The following ALPK1 variants were observed in gnomAD, a reference collection of about 807,000 sequenced individuals.
ALPK1 encodes alpha-protein kinase 1.
A neutral mutation model predicts 120.6 loss-of-function variants in ALPK1; 110 were observed. The ratio of observed to expected loss-of-function variants is 0.91; its 90% CI spans 0.78 to 1.07. ALPK1 has a LOEUF of 1.07. ALPK1 is among the 50% of genes least tolerant of loss of function. ALPK1 has a pLI of 0.00. For synonymous variants in ALPK1, 582 were observed against 560.3 expected, an observed-to-expected ratio of 1.04 and a Z score of -0.55; for missense variants, 1,498 against 1,483.9, an observed-to-expected ratio of 1.01 and a Z score of -0.16.
chr4:112,377,978 C>T, intron 3 of ALPK1, 80 bp downstream of exon 3: 1 of 1,426,960 alleles, frequency 7.0e-7, no homozygotes, highest in Non-Finnish European at 9.3e-7. Flanking sequence ...ACGTTCTTAT[C>T]TCTGCCCTAT....
chr4:112,436,349 G>A (rs1215023326), intron 12 of ALPK1, among the ~76,000 whole-genome samples: 1 of 152,136 alleles, frequency 6.6e-6, no homozygotes, highest in Non-Finnish European at 1.5e-5. Flanking sequence ...AGATGTTAAG[G>A]AATTGCCTGA....
chr4:112,298,267 G>GTCTC (rs139030128), intron 1 of ALPK1, among the ~76,000 whole-genome samples: 2 of 150,916 alleles, frequency 1.3e-5, no homozygotes, highest in Non-Finnish European at 3.0e-5. Context: ...CTCTCTCTCT[G>GTCTC]TCTCTCTCTC....
chr4:112,432,570 A>G lies in ALPK1; in HGVS notation c.3023A>G (p.His1008Arg). Residue 1008 changes from histidine (H) to arginine (R), a missense_variant, in exon 11 of 16, where the codon CAC becomes CGC. Coordinates refer to ENST00000650871, the MANE Select transcript of ALPK1 (RefSeq NM_025144.4). Reference sequence around the variant, plus strand: ...GGGGTTTTTAAGCCCAGTCAACTCCACCGAGCACATAGTAAGTACAATCTT... The same window carrying G: ...GGGGTTTTTAAGCCCAGTCAACTCCGCCGAGCACATAGTAAGTACAATCTT... The part of the protein sequence containing the change: ...NTGVFKPSQL[H>R]RAHSALLLKY... 2 of 1,612,346 alleles carry G rather than the reference A, an allele frequency of 1.2e-6. No individual in the cohort carries two copies. Among genetic ancestry groups the G allele is most frequent in the African/African-American group, 1.3e-5 (1 of 74,986 alleles).
At chr4:112,316,783 T>A (rs1002353883) in intron 2 of ALPK1, among the ~76,000 whole-genome samples, 2 of 152,170 alleles carry the variant, frequency 1.3e-5, no homozygotes, top group African/African-American at 4.8e-5. Context: ...TGGAGAAATG[T>A]CTATTCAAAC....
At chr4:112,306,013 G>T (rs1728035774) in intron 1 of ALPK1, among the ~76,000 whole-genome samples, 2 of 151,994 alleles carry the variant, frequency 1.3e-5, no homozygotes, top group Admixed American at 1.3e-4. Context: ...TAATCATGTG[G>T]TTTTTGTCTT....
intron 13 of ALPK1, 150 bp downstream of exon 13, chr4:112,438,796 C>T: frequency 1.2e-6 from 1 of 858,910 alleles, no homozygotes; most frequent in South Asian, 2.0e-5. Context: ...AGAAAGAACC[C>T]TAAAGATTTA....
intron 2 of ALPK1, among the ~76,000 whole-genome samples, chr4:112,325,821 A>T (rs1238347264): frequency 6.6e-6 from 1 of 152,054 alleles, no homozygotes; most frequent in Non-Finnish European, 1.5e-5. Context: ...GCAACCATGA[A>T]TTTTTCAGGC....
chr4:112,427,758 A>G (rs1578565570), intron 9 of ALPK1, 93 bp downstream of exon 9: 3 of 880,092 alleles, frequency 3.4e-6, no homozygotes, highest in Non-Finnish European at 5.5e-6. Context: ...GGAGATTGGG[A>G]GGCAGGGAGC....
intron 2 of ALPK1, chr4:112,343,470 C>T (rs896227895): frequency 5.3e-5 from 8 of 152,000 alleles, no homozygotes; most frequent in Admixed American, 3.3e-4. Flanking sequence ...CAGCCTGCCT[C>T]GGAAGAGACA....
At chr4:112,357,208 G>C in intron 2 of ALPK1, 2 of 1,551,904 alleles carry the variant, frequency 1.3e-6, no homozygotes, top group Non-Finnish European at 1.8e-6. Context: ...GCACGTTTCA[G>C]ACCAAGGGCT....
intron 5 of ALPK1, among the ~76,000 whole-genome samples, 178 bp downstream of exon 5, chr4:112,412,203 A>C (rs1733513213): frequency 6.6e-6 from 1 of 151,572 alleles, no homozygotes. Context: ...TTGCCAGCAC[A>C]AAGGCCCTGG....
At chr4:112,423,678 C>G in intron 5 of ALPK1, 2 of 580,042 alleles carry the variant, frequency 3.4e-6, no homozygotes, top group Middle Eastern at 5.3e-4. Context: ...AAACCCTGCT[C>G]TATGTGAATG....
chr4:112,398,465 T>A (rs1198714939), intron 4 of ALPK1, among the ~76,000 whole-genome samples: 9 of 152,176 alleles, frequency 5.9e-5, no homozygotes, highest in East Asian at 5.8e-4. Flanking sequence ...GCTAATTTTT[T>A]AAAAAAATAT....
At chr4:112,434,966 A>G (rs369841152) in intron 11 of ALPK1, among the ~76,000 whole-genome samples, 182 bp from the exon 12 acceptor site, 1 of 152,166 alleles carries the variant, frequency 6.6e-6, no homozygotes, top group African/African-American at 2.4e-5. Context: ...TTACTTTTTT[A>G]TTATTTCTCA....
chr4:112,416,225 A>C (rs1733741247), intron 5 of ALPK1, among the ~76,000 whole-genome samples: 1 of 152,172 alleles, frequency 6.6e-6, no homozygotes, highest in Non-Finnish European at 1.5e-5. Context: ...TAAAGATTCT[A>C]ACCACGTGCC....
chr4:112,359,206 G>T, intron 2 of ALPK1: 1 of 595,010 alleles, frequency 1.7e-6, no homozygotes, highest in Non-Finnish European at 3.0e-6. Context: ...GGAGACCCTG[G>T]CAGCCACCCA....
chr4:112,365,272 T>A (rs1428209457), intron 2 of ALPK1, among the ~76,000 whole-genome samples: 2 of 152,196 alleles, frequency 1.3e-5, no homozygotes, highest in African/African-American at 4.8e-5. Flanking sequence ...ACTGTCACTG[T>A]CTGTTGATGA....
intron 1 of ALPK1, among the ~76,000 whole-genome samples, chr4:112,303,626 T>C (rs1383173270): frequency 1.3e-5 from 2 of 152,166 alleles, no homozygotes; most frequent in Non-Finnish European, 2.9e-5. Context: ...ACAATTTGTA[T>C]CAGATCATGC....
chr4:112,427,810 A>G, intron 9 of ALPK1, 145 bp downstream of exon 9: 1 of 644,222 alleles, frequency 1.6e-6, no homozygotes, highest in Non-Finnish European at 2.8e-6. Flanking sequence ...AATCCTGGGG[A>G]GGAGTCTTGT....
Sources: gnomAD v4.1 joint callset for allele counts (sites outside exome capture counted in the v4.1 genomes callset) on GRCh38, gnomAD v4.1.1 for gene constraint, MANE v1.5 for transcripts, NCBI Gene and HGNC (gene_info 2026-07-23, HGNC 2026-07-21) for gene names.